Variants in FRMD3 observed in about 807,000 individuals in gnomAD.
FRMD3 encodes FERM domain containing 3, also known as FERM domain-containing protein 3.
FRMD3 carries 33 observed loss-of-function variants against 70.2 expected under a neutral mutation model. The observed-to-expected ratio is 0.47, with a 90% CI of 0.36 to 0.63. The LOEUF (loss-of-function observed/expected upper bound fraction) is 0.63, where lower values mean the gene tolerates loss of function less well. Ranked by LOEUF, FRMD3 falls within the 20% of genes least tolerant of loss-of-function variation. The probability of loss-of-function intolerance (pLI) is 0.00; values close to 1 mark genes in which losing one functional copy is unlikely to be tolerated. For synonymous variants in FRMD3, 279 were observed against 255.9 expected (o/e 1.09, Z -0.86); for missense variants, 632 against 711.4 (o/e 0.89, Z 1.27).
chr9:83,450,929 C>A (rs930542151), intron 1 of FRMD3, among the ~76,000 whole-genome samples: 4 of 152,142 alleles, frequency 2.6e-5, no homozygotes, highest in Non-Finnish European at 5.9e-5. Flanking sequence ...GGAAATGAGG[C>A]TTTAATGAAT....
At chr9:83,385,515 G>A (rs6559721) in intron 2 of FRMD3, among the ~76,000 whole-genome samples, 2,909 of 152,240 alleles carry the variant, frequency 0.019, 100 homozygotes, top group African/African-American at 0.066. Context: ...TCTGGGGCAT[G>A]AGACATCTTG....
chr9:83,455,116 G>GA (rs1222287350), intron 1 of FRMD3, among the ~76,000 whole-genome samples: 2 of 152,102 alleles, frequency 1.3e-5, no homozygotes, highest in Non-Finnish European at 2.9e-5. Flanking sequence ...AAGATATAAA[G>GA]AAAAATGTAA....
intron 13 of FRMD3, among the ~76,000 whole-genome samples, chr9:83,265,260 C>T (rs939863639): frequency 4.0e-5 from 6 of 151,844 alleles, no homozygotes; most frequent in South Asian, 2.1e-4. Flanking sequence ...ATTAGCCGGG[C>T]GTGGTGGCAG....
chr9:83,562,380 T>C, the FRMD3 span, among the ~76,000 whole-genome samples: 1 of 152,212 alleles, frequency 6.6e-6, no homozygotes, highest in South Asian at 2.1e-4. Flanking sequence ...AAACCCCAAC[T>C]GACCAAGGTG....
At chr9:83,351,259 C>T (rs2131188859) in intron 3 of FRMD3, among the ~76,000 whole-genome samples, 1 of 148,378 alleles carries the variant, frequency 6.7e-6, no homozygotes, top group East Asian at 2.0e-4. Context: ...GATTTGATAG[C>T]ATCTAAATTA....
chr9:83,533,267 A>C (rs1829825629), intron 1 of FRMD3, among the ~76,000 whole-genome samples: 1 of 152,200 alleles, frequency 6.6e-6, no homozygotes, highest in Non-Finnish European at 1.5e-5. Flanking sequence ...GTAATACAAT[A>C]TTGAGATAAT....
the FRMD3 span, among the ~76,000 whole-genome samples, chr9:83,564,495 G>C: frequency 1.6e-3 from 248 of 152,292 alleles, no homozygotes; most frequent in African/African-American, 5.7e-3. Flanking sequence ...CCTGACACCT[G>C]AATATGGAAA....
intron 1 of FRMD3, among the ~76,000 whole-genome samples, chr9:83,434,596 T>G (rs1177686132): frequency 1.3e-5 from 2 of 152,136 alleles, no homozygotes; most frequent in Non-Finnish European, 2.9e-5. Context: ...TTAACAAGCT[T>G]TTAAAAGCAA....
At chr9:83,447,359 C>A (rs2131407178) in intron 1 of FRMD3, among the ~76,000 whole-genome samples, 1 of 152,280 alleles carries the variant, frequency 6.6e-6, no homozygotes, top group African/African-American at 2.4e-5. Context: ...TTGAGGAGCT[C>A]CTGCAATGAC....
chr9:83,582,635 A>T, the FRMD3 span, among the ~76,000 whole-genome samples: 1 of 152,234 alleles, frequency 6.6e-6, no homozygotes, highest in South Asian at 2.1e-4. Context: ...AACCTAAACA[A>T]GCAAAAACAT....
chr9:83,386,148 G>T (rs1825505155), intron 2 of FRMD3, among the ~76,000 whole-genome samples: 1 of 152,174 alleles, frequency 6.6e-6, no homozygotes, highest in African/African-American at 2.4e-5. Flanking sequence ...ACTCAGATAG[G>T]CTGCATAGCT....
the FRMD3 span, among the ~76,000 whole-genome samples, chr9:83,563,471 G>A: frequency 1.3e-5 from 2 of 152,168 alleles, no homozygotes; most frequent in East Asian, 3.9e-4. Context: ...ATGCTCTCTG[G>A]AGTGTGTGGA....
chr9:83,515,417 G>C (rs1252515291), intron 1 of FRMD3, among the ~76,000 whole-genome samples: 1 of 152,106 alleles, frequency 6.6e-6, no homozygotes, highest in African/African-American at 2.4e-5. Context: ...GACAAGATTA[G>C]AGAAAAAAGA....
At chr9:83,296,133 A>T (rs541522588) in intron 12 of FRMD3, among the ~76,000 whole-genome samples, 11 of 152,326 alleles carry the variant, frequency 7.2e-5, no homozygotes, top group Middle Eastern at 3.4e-3. Flanking sequence ...TTATTACTAC[A>T]TTCTCACTTT....
chr9:83,254,241 G>A (rs1042568176), intron 13 of FRMD3, among the ~76,000 whole-genome samples: 5 of 151,716 alleles, frequency 3.3e-5, no homozygotes, highest in African/African-American at 9.7e-5. Flanking sequence ...TTGTGCACAC[G>A]TACCCTAGAA....
chr9:83,499,196 A>T (rs1329937965), intron 1 of FRMD3, among the ~76,000 whole-genome samples: 1 of 152,122 alleles, frequency 6.6e-6, no homozygotes, highest in East Asian at 1.9e-4. Context: ...ACTGTCCAAA[A>T]TGACACTAGG....
intron 1 of FRMD3, among the ~76,000 whole-genome samples, chr9:83,438,389 T>C (rs981450446): frequency 4.7e-5 from 7 of 148,040 alleles, no homozygotes; most frequent in Admixed American, 6.7e-5. Context: ...CTACCCACTC[T>C]ACCTGTCTCA....
chr9:83,325,728 G>A (rs1835987644), intron 6 of FRMD3, among the ~76,000 whole-genome samples: 1 of 152,200 alleles, frequency 6.6e-6, no homozygotes, highest in Non-Finnish European at 1.5e-5. Flanking sequence ...TCCGATTAGA[G>A]AATAGTGATA....
At chr9:83,299,949 G>T (rs1188704860) in intron 10 of FRMD3, among the ~76,000 whole-genome samples, 3 of 152,228 alleles carry the variant, frequency 2.0e-5, no homozygotes, top group Non-Finnish European at 4.4e-5. Context: ...GCTGAGGATG[G>T]CTCTACAGCA....
Sources: allele counts gnomAD v4.1 joint callset (sites outside exome capture counted in the v4.1 genomes callset), GRCh38; gene constraint gnomAD v4.1.1; transcripts MANE v1.5; gene names NCBI Gene and HGNC (gene_info 2026-07-23, HGNC 2026-07-21).